Variants in KALRN observed in about 807,000 individuals in gnomAD.
KALRN encodes the protein kalirin.
In KALRN, 70 loss-of-function variants were observed where a neutral mutation model predicts 353.7. The ratio of observed to expected loss-of-function variants is 0.20; its 90% CI spans 0.16 to 0.24. The LOEUF is 0.24. KALRN is among the 10% of genes least tolerant of loss of function. The probability of loss-of-function intolerance (pLI) is 1.00; values close to 1 mark genes in which losing one functional copy is unlikely to be tolerated. For synonymous variants in KALRN, 1,391 were observed against 1,434.8 expected, an observed-to-expected ratio of 0.97 and a Z score of 0.69; for missense variants, 2,791 against 3,756.7, an observed-to-expected ratio of 0.74 and a Z score of 6.72.
chr3:124,369,273 TTA>T (rs1264333650), intron 10 of KALRN, among the ~76,000 whole-genome samples: 2 of 152,248 alleles, frequency 1.3e-5, no homozygotes, highest in Non-Finnish European at 2.9e-5. Context: ...TATTGAATCC[TTA>T]TCTTTCCCTT....
chr3:124,634,105 G>A (rs2081091788), intron 36 of KALRN, 152 bp downstream of exon 36: 1 of 638,788 alleles, frequency 1.6e-6, no homozygotes, highest in Admixed American at 2.6e-5. Flanking sequence ...CTATTTGGTA[G>A]GTGTCCCTTC....
chr3:124,671,562 T>C (rs1437827239), intron 47 of KALRN, 98 bp from the exon 48 acceptor site: 1 of 768,862 alleles, frequency 1.3e-6, no homozygotes, highest in Non-Finnish European at 2.2e-6. Flanking sequence ...TTCTCACTTA[T>C]CCACACGATG....
intron 34 of KALRN, among the ~76,000 whole-genome samples, chr3:124,608,206 C>T (rs2149521204): frequency 6.6e-6 from 1 of 151,766 alleles, no homozygotes; most frequent in South Asian, 2.1e-4. Flanking sequence ...AGGGTTTCAC[C>T]ATGTTGCCCA....
intron 34 of KALRN, among the ~76,000 whole-genome samples, chr3:124,628,755 TTTTTTTTTTTTTTTTG>T (rs1445404684): frequency 3.4e-4 from 21 of 62,584 alleles, no homozygotes; most frequent in Admixed American, 8.9e-4. Flanking sequence ...TTTTTTTTTT[TTTTTTTTTTTTTTTTG>T]TAGAGACGGA....
chr3:124,328,000 G>A (rs1488598618), intron 7 of KALRN, among the ~76,000 whole-genome samples: 1 of 152,208 alleles, frequency 6.6e-6, no homozygotes, highest in Non-Finnish European at 1.5e-5. Context: ...GATACAACAC[G>A]AGAGATGGAA....
chr3:124,532,674 G>A (rs575881828), intron 33 of KALRN, among the ~76,000 whole-genome samples: 4 of 152,130 alleles, frequency 2.6e-5, no homozygotes, highest in East Asian at 1.9e-4. Flanking sequence ...AGGCAGGGTC[G>A]CACACATCTG....
intron 27 of KALRN, among the ~76,000 whole-genome samples, chr3:124,480,649 G>A (rs532026823): frequency 5.9e-5 from 9 of 151,994 alleles, no homozygotes; most frequent in Non-Finnish European, 1.2e-4. Flanking sequence ...CAATTTTAGG[G>A]CACTTTTATC....
chr3:124,272,770 C>T (rs1489985813), intron 5 of KALRN, among the ~76,000 whole-genome samples: 1 of 152,168 alleles, frequency 6.6e-6, no homozygotes, highest in Non-Finnish European at 1.5e-5. Flanking sequence ...GAAAAACAGT[C>T]CTTTTAAGTT....
At chr3:124,130,459 G>A (rs2065149845) in intron 1 of KALRN, among the ~76,000 whole-genome samples, 1 of 152,098 alleles carries the variant, frequency 6.6e-6, no homozygotes, top group Non-Finnish European at 1.5e-5. Flanking sequence ...CTTTTCCAGT[G>A]ATACTTTAAA....
intron 1 of KALRN, among the ~76,000 whole-genome samples, chr3:124,221,846 C>T (rs756874257): frequency 1.6e-4 from 24 of 152,252 alleles, no homozygotes; most frequent in Admixed American, 7.8e-4. Flanking sequence ...AATGGACACT[C>T]GGTATTTTAT....
intron 1 of KALRN, among the ~76,000 whole-genome samples, chr3:124,194,310 A>T (rs186932549): frequency 6.6e-6 from 1 of 152,264 alleles, no homozygotes; most frequent in East Asian, 1.9e-4. Context: ...CATGGGCAGG[A>T]TTCTGGTAGG....
At chr3:124,717,781 A>C (rs2063215768) in intron 59 of KALRN, among the ~76,000 whole-genome samples, 1 of 152,190 alleles carries the variant, frequency 6.6e-6, no homozygotes, top group South Asian at 2.1e-4. Flanking sequence ...ATATAAATTC[A>C]AATTCATTTT....
chr3:124,713,943 G>T (rs1052869839), intron 58 of KALRN, among the ~76,000 whole-genome samples: 2 of 152,096 alleles, frequency 1.3e-5, no homozygotes, highest in East Asian at 3.9e-4. Context: ...TGTTAGTCCG[G>T]CTCTTGCGTG....
intron 16 of KALRN, among the ~76,000 whole-genome samples, chr3:124,432,029 T>A (rs1205356407): frequency 6.6e-6 from 1 of 152,234 alleles, no homozygotes; most frequent in Non-Finnish European, 1.5e-5. Flanking sequence ...TATCATCAGC[T>A]GTCTCTATTG....
At chr3:124,410,899 C>G (rs1301669955) in intron 13 of KALRN, among the ~76,000 whole-genome samples, 1 of 152,154 alleles carries the variant, frequency 6.6e-6, no homozygotes, top group East Asian at 1.9e-4. Flanking sequence ...TCTATAAGAA[C>G]TTTCACATCA....
rs1001911912 is a variant in KALRN at position 124,204,171 on chromosome 3, C to A, written c.74-23819C>A. Among the ~76,000 whole-genome samples the A allele has an allele frequency of 3.3e-5, 5 of 152,352 alleles. No homozygotes were observed. In the East Asian group the frequency reaches 9.6e-4, roughly 29 times the overall value. On this transcript the variant is annotated intron_variant, in intron 1 of 59. Coordinates refer to ENST00000682506, the MANE Select transcript of KALRN (RefSeq NM_001388419.1). Reference sequence around the variant, plus strand: ...CCAGTCAACCTTACATAGGTTTCTTCATAGGACCCTTTAATTGCCACAATT... The same window carrying A: ...CCAGTCAACCTTACATAGGTTTCTTAATAGGACCCTTTAATTGCCACAATT...
chr3:124,684,488 A>G (rs1251862139), intron 51 of KALRN, among the ~76,000 whole-genome samples: 1 of 152,238 alleles, frequency 6.6e-6, no homozygotes, highest in Non-Finnish European at 1.5e-5. Flanking sequence ...AAACTGGAAC[A>G]GGAGTCAAAA....
At chr3:124,440,642 T>C (rs1160670566) in intron 18 of KALRN, among the ~76,000 whole-genome samples, 2 of 151,112 alleles carry the variant, frequency 1.3e-5, no homozygotes, top group African/African-American at 4.8e-5. Flanking sequence ...AATTATATTA[T>C]TTGTAGGATC....
intron 1 of KALRN, among the ~76,000 whole-genome samples, chr3:124,109,775 A>T (rs1231104600): frequency 1.3e-5 from 1 of 79,452 alleles, no homozygotes; most frequent in African/African-American, 6.1e-5. Context: ...TATATATATG[A>T]CATATATATC....
Sources: allele counts gnomAD v4.1 joint callset (sites outside exome capture counted in the v4.1 genomes callset), GRCh38; gene constraint gnomAD v4.1.1; transcripts MANE v1.5; gene names NCBI Gene and HGNC (gene_info 2026-07-23, HGNC 2026-07-21).